The following MRC1 variants were observed in gnomAD, a reference collection of about 807,000 sequenced individuals.
The protein encoded by MRC1 is macrophage mannose receptor 1.
MRC1 carries 62 observed loss-of-function variants against 102.9 expected under a neutral mutation model. The ratio of observed to expected loss-of-function variants is 0.60; its 90% CI spans 0.49 to 0.74. MRC1 has a LOEUF of 0.74. Among genes scored for constraint, MRC1 ranks in the 30% least tolerant of loss-of-function variants. The pLI is 0.00. For synonymous variants in MRC1, 457 were observed against 298.4 expected (o/e 1.53, Z -5.48); for missense variants, 1,237 against 862.8 (o/e 1.43, Z -5.43).
intron 5 of MRC1, among the ~76,000 whole-genome samples, chr10:17,843,016 A>G (rs1838773483): frequency 6.6e-6 from 1 of 152,250 alleles, no homozygotes; most frequent in Admixed American, 6.5e-5. Flanking sequence ...AATAATTACC[A>G]AGTAATGAAA....
In MRC1 at chr10:17,879,798, G is replaced by A. The variant is rs1833488536; in HGVS notation, c.2696G>A (p.Cys899Tyr). 1.3e-6 allele frequency: 1 copy of A among 780,756 alleles called. No homozygotes were observed. Among genetic ancestry groups the A allele is most frequent in the African/African-American group, 1.7e-5 (1 of 59,138 alleles). 48.4% of individuals were successfully genotyped at this position (780,756 alleles called of 1,614,324 possible). Residue 899 changes from cysteine (C) to tyrosine (Y), a missense_variant, in exon 19 of 30, where the codon TGT becomes TAT. Transcript: ENST00000569591. ...EPNFANEDEN[C>Y]VTMYSNSGFW... ...AATTTTGCAAATGAAGATGAAAACT[G>A]TGTGACCATGTATTCAAATTCAGGT...
chr10:17,882,978 C>T (rs949705486), intron 21 of MRC1, among the ~76,000 whole-genome samples: 2 of 152,190 alleles, frequency 1.3e-5, no homozygotes, highest in African/African-American at 2.4e-5. Flanking sequence ...AACAGGCACA[C>T]GTAGTTGAAT....
chr10:17,898,258 A>G lies in MRC1; in HGVS notation c.3475A>G (p.Ser1159Gly), dbSNP rs992200201. 28 of 780,442 alleles carry G rather than the reference A, an allele frequency of 3.6e-5. No homozygotes were observed. Among genetic ancestry groups the G allele is most frequent in the African/African-American group, 2.7e-4 (16 of 59,076 alleles). The allele number at this position is 780,442 out of a possible 1,614,324, so 48.3% of individuals were successfully genotyped here. A position where few individuals can be genotyped will look rare whatever the true frequency, so the allele number is the denominator to read the frequency against. ...SNERVWIALN[S>G]NLTDNQYTWT... ...TGAACGTGTGTGGATCGCCCTGAAC[A>G]GTAACTTGGTAAGATGCTGGAAATA... Residue 1159 changes from serine to glycine, a missense_variant, in exon 24 of 30, where the codon AGT becomes GGT. Ser to Gly is a moderately conservative substitution (Grantham distance 56). Coordinates refer to ENST00000569591, the MANE Select transcript of MRC1 (RefSeq NM_002438.4).
intron 28 of MRC1, among the ~76,000 whole-genome samples, chr10:17,908,769 A>C (rs1218594765): frequency 6.6e-6 from 1 of 151,962 alleles, no homozygotes; most frequent in African/African-American, 2.4e-5. Context: ...GGGTTTCACT[A>C]TGTTGGCCAG....
At chr10:17,844,844 C>G (rs1160473205) in intron 5 of MRC1, among the ~76,000 whole-genome samples, 1 of 152,138 alleles carries the variant, frequency 6.6e-6, no homozygotes, top group Non-Finnish European at 1.5e-5. Context: ...GCTTTCTGTT[C>G]TGCATTAATT....
chr10:17,870,928 G>C lies in MRC1; in HGVS notation c.2192G>C (p.Gly731Ala). The C allele has an allele frequency of 1.1e-6, 1 of 872,116 alleles. No individual in the cohort carries two copies. Among genetic ancestry groups the C allele is most frequent in the African/African-American group, 1.6e-5 (1 of 61,372 alleles). The allele number at this position is 872,116 out of a possible 1,614,324, so 54.0% of individuals were successfully genotyped here. ...TCAGAAGGTTTTACTTGGAGTGATG[G>C]TTCTCCTGTGAGTAATTTTACTTAC... is the stretch of plus-strand genomic sequence containing the variant. The part of the protein sequence containing the change: ...SPSEGFTWSD[G>A]SPVSYENWAY... The change falls in exon 14 of 30, where the codon GGT becomes GCT. Residue 731 changes from glycine to alanine, a missense_variant. Physicochemically the swap from Gly to Ala is moderately conservative, Grantham distance 60 (BLOSUM62 0). Transcript: ENST00000569591.
At chr10:17,873,470 G>C (rs924053890) in intron 15 of MRC1, among the ~76,000 whole-genome samples, 2 of 151,362 alleles carry the variant, frequency 1.3e-5, no homozygotes, top group Non-Finnish European at 2.9e-5. Flanking sequence ...TTGAAGCTAG[G>C]CTTTCTGATT....
intron 12 of MRC1, 35 bp from the exon 13 acceptor site, chr10:17,870,211 G>A: frequency 2.6e-6 from 2 of 767,954 alleles, no homozygotes; most frequent in Non-Finnish European, 4.8e-6. Flanking sequence ...AAACTACAAA[G>A]CATAAAATAA....
chr10:17,820,434 T>A (rs1228776628), intron 1 of MRC1, among the ~76,000 whole-genome samples: 1 of 151,978 alleles, frequency 6.6e-6, no homozygotes, highest in Non-Finnish European at 1.5e-5. Context: ...AGATAAAAAT[T>A]AGGCATATAA....
At chr10:17,892,329 C>G (rs535267298) in intron 22 of MRC1, among the ~76,000 whole-genome samples, 80 of 152,282 alleles carry the variant, frequency 5.3e-4, no homozygotes, top group African/African-American at 1.9e-3. Context: ...TCAAACTTGT[C>G]CACACTGAAC....
At chr10:17,848,222 T>G (rs1838855542) in intron 6 of MRC1, among the ~76,000 whole-genome samples, 2 of 152,226 alleles carry the variant, frequency 1.3e-5, no homozygotes, top group Non-Finnish European at 2.9e-5. Flanking sequence ...GCTTAAATAA[T>G]ATATACGTTC....
intron 1 of MRC1, among the ~76,000 whole-genome samples, chr10:17,810,126 C>T (rs1426603786): frequency 2.0e-5 from 3 of 152,096 alleles, no homozygotes; most frequent in African/African-American, 7.2e-5. Flanking sequence ...CAGATCGATT[C>T]CTGTTTTTCT....
chr10:17,883,318 A>T (rs1254728685), intron 21 of MRC1, among the ~76,000 whole-genome samples: 1 of 151,932 alleles, frequency 6.6e-6, no homozygotes, highest in East Asian at 1.9e-4. Context: ...TTGTAGAGAG[A>T]GGGTCTTGCT....
In MRC1 at chr10:17,902,034, A is replaced by G. The variant is rs1833836293; in HGVS notation, c.3711A>G (p.Ala1237=). The change falls in exon 26 of 30, where the codon GCA becomes GCG. Residue 1237 remains alanine, a synonymous_variant. Coordinates refer to ENST00000569591, the MANE Select transcript of MRC1 (RefSeq NM_002438.4). ...PGRCPESDHT[A]WIPFHGHCYY... ...GATGCCCGGAGTCAGATCACACAGC[A>G]TGGATTCCTTTCCATGGTCACTGTT... is the stretch of plus-strand genomic sequence containing the variant. The G allele has an allele frequency of 1.3e-6, 1 of 780,816 alleles. No individual in the cohort carries two copies. The highest frequency in any genetic ancestry group is 1.3e-5 in the South Asian group (1 of 74,608). 48.4% of individuals were successfully genotyped at this position (780,816 alleles called of 1,614,324 possible).
At chr10:17,850,446 A>AT (rs1224473813) in intron 7 of MRC1, among the ~76,000 whole-genome samples, 1 of 151,906 alleles carries the variant, frequency 6.6e-6, no homozygotes, top group Non-Finnish European at 1.5e-5. Context: ...ACTAAAAAAA[A>AT]TTTTTTTTAA....
chr10:17,867,734 G>C (rs1302035870), intron 12 of MRC1, among the ~76,000 whole-genome samples: 7 of 152,082 alleles, frequency 4.6e-5, no homozygotes, highest in African/African-American at 1.7e-4. Flanking sequence ...TTTTCGTCTT[G>C]ATAGAAATTT....
In MRC1 at chr10:17,880,565, C is replaced by T; in HGVS notation, c.2760C>T (p.Phe920=). The change falls in exon 20 of 30, where the codon TTC becomes TTT. Residue 920 remains phenylalanine (F), a synonymous_variant. Coordinates refer to ENST00000569591, the MANE Select transcript of MRC1 (RefSeq NM_002438.4). ...TTAACTGTGGCTATCCAAACGCCTTCATTTGCCAGCGACATAACAGTAGTA... is the reference window on the plus strand; with the variant it reads ...TTAACTGTGGCTATCCAAACGCCTTTATTTGCCAGCGACATAACAGTAGTA... The part of the protein sequence containing the change: ...NDINCGYPNA[F]ICQRHNSSIN... 1.3e-6 allele frequency: 1 copy of T among 780,856 alleles called. No homozygotes were observed. Among genetic ancestry groups the T allele is most frequent in the Non-Finnish European group, 2.4e-6 (1 of 417,956 alleles). The allele number at this position is 780,856 out of a possible 1,614,324, so 48.4% of individuals were successfully genotyped here.
intron 4 of MRC1, among the ~76,000 whole-genome samples, chr10:17,837,393 C>A (rs1451004650): frequency 2.6e-5 from 4 of 152,118 alleles, no homozygotes; most frequent in African/African-American, 4.8e-5. Context: ...GATATTCCCT[C>A]CCCACTGTTT....
At position 17,823,222 on chromosome 10, in the gene MRC1, A is replaced by G. The variant is rs1315083911; in HGVS notation, c.210A>G (p.Ala70=). The G allele has an allele frequency of 8.1e-5, 63 of 780,730 alleles. No individual in the cohort carries two copies. The highest frequency in any genetic ancestry group is 1.1e-4 in the Non-Finnish European group (44 of 417,972). The allele number at this position is 780,730 out of a possible 1,614,324, so 48.4% of individuals were successfully genotyped here. A position where few individuals can be genotyped will look rare whatever the true frequency, so the allele number is the denominator to read the frequency against. Residue 70 remains alanine (A), a synonymous_variant, in exon 2 of 30, where the codon GCA becomes GCG. Transcript: ENST00000569591. ...CCGAATCTCAGATTATGAGTGTTGC[A>G]TTTAAATTATGCCTGGGAGTGCCAT... ...WVSESQIMSV[A]FKLCLGVPSK... is the part of the protein sequence containing the mutation.
Sources: gnomAD v4.1 joint callset for allele counts (sites outside exome capture counted in the v4.1 genomes callset) on GRCh38, gnomAD v4.1.1 for gene constraint, MANE v1.5 for transcripts, NCBI Gene and HGNC (gene_info 2026-07-23, HGNC 2026-07-21) for gene names.